The following DGKK variants were observed in gnomAD, a reference collection of about 807,000 sequenced individuals.
DGKK encodes the protein diacylglycerol kinase kappa, also known as 142 kDa diacylglycerol kinase.
In DGKK, 35 loss-of-function variants were observed where a neutral mutation model predicts 92.2. The ratio of observed to expected loss-of-function variants is 0.38; its 90% CI spans 0.29 to 0.50. DGKK has a LOEUF of 0.50. Among genes scored for constraint, DGKK ranks in the 20% least tolerant of loss-of-function variants. The pLI, the probability that DGKK is intolerant of heterozygous loss-of-function variation, is 0.92. For synonymous variants in DGKK, 368 were observed against 360.6 expected (o/e 1.02, Z -0.23); for missense variants, 910 against 992.2 (o/e 0.92, Z 1.11).
At chrX:50,400,438 T>C (rs1557226499) in intron 8 of DGKK, among the ~76,000 whole-genome samples, 1 of 112,316 alleles carries the variant, frequency 8.9e-6, no homozygotes. Flanking sequence ...TACCATTCCC[T>C]TGGCACTTAG....
chrX:50,465,120 C>T (rs1926860483), intron 1 of DGKK, among the ~76,000 whole-genome samples: 1 of 111,818 alleles, frequency 8.9e-6, no homozygotes, highest in Admixed American at 9.5e-5. Flanking sequence ...ATAAAGTTTA[C>T]AAATTTCATG....
chrX:50,375,093 C>T (rs1557223691), intron 24 of DGKK, 36 bp from the exon 25 acceptor site: 4 of 1,091,889 alleles, frequency 3.7e-6, no homozygotes, highest in East Asian at 3.1e-5. Flanking sequence ...GAGAAAAAGA[C>T]AAAGACAGGG....
chrX:50,386,073 C>T (rs1489935201), intron 15 of DGKK, among the ~76,000 whole-genome samples: 5 of 111,469 alleles, frequency 4.5e-5, no homozygotes, highest in Non-Finnish European at 9.4e-5. Context: ...AACCAGGTCA[C>T]TTAGCATCTA....
chrX:50,464,633 T>C (rs1211535196), intron 1 of DGKK, among the ~76,000 whole-genome samples: 1 of 110,567 alleles, frequency 9.0e-6, no homozygotes, highest in Non-Finnish European at 1.9e-5. Context: ...CTTGGCGAGG[T>C]TGAAGATCCT....
At chrX:50,447,410 ATATATATATATATATAT>A (rs1390506388) in intron 1 of DGKK, among the ~76,000 whole-genome samples, 1 of 13,997 alleles carries the variant, frequency 7.1e-5, no homozygotes, top group Non-Finnish European at 1.2e-4. Flanking sequence ...TATATATATA[ATATATATATATATATAT>A]TATATATATA....
Position 50,370,169 on chromosome X carries a change from C to T in DGKK, c.3736+257G>A, listed in dbSNP as rs1924082742. ...TTAGGAGTGAATCAGGCAGAAAAAT[C>T]ACCGCCTGTTTGCATTTTTGTTTTC... On this transcript the variant is annotated intron_variant, in intron 27 of 27. Coordinates refer to ENST00000611977, the MANE Select transcript of DGKK (RefSeq NM_001013742.4). Among the ~76,000 whole-genome samples the T allele has an allele frequency of 1.8e-5, 2 of 111,956 alleles. 1 individual carries two copies. The highest frequency in any genetic ancestry group is 1.9e-4 in the Admixed American group (2 of 10,590).
intron 12 of DGKK, 150 bp downstream of exon 12, chrX:50,390,178 C>T (rs1924649250): frequency 4.2e-6 from 2 of 479,981 alleles, no homozygotes; most frequent in Admixed American, 3.4e-5. Context: ...TAACATAGTT[C>T]TTGGTAAATA....
intron 7 of DGKK, among the ~76,000 whole-genome samples, chrX:50,402,225 T>C (rs1276754657): frequency 1.8e-5 from 2 of 110,480 alleles, no homozygotes; most frequent in African/African-American, 3.3e-5. Flanking sequence ...CTGGGCAACA[T>C]AGCAAGACTC....
At chrX:50,388,380 T>C (rs1924601844) in intron 13 of DGKK, 147 bp downstream of exon 13, 2 of 469,959 alleles carry the variant, frequency 4.3e-6, no homozygotes, top group Admixed American at 4.1e-5. Context: ...TCCTAAACTT[T>C]CCATTCAGGG....
In DGKK at chrX:50,401,144, A is replaced by C. The variant is rs1557226586; in HGVS notation, c.1309-5T>G. On this transcript the variant is annotated splice_polypyrimidine_tract_variant and splice_region_variant and intron_variant, in intron 7 of 27. Coordinates refer to ENST00000611977, the MANE Select transcript of DGKK (RefSeq NM_001013742.4). ...TCTCCTACAGTCATCATGCACCTGAAACGACAAGAGAAGAGCAGAGAAAAA... is the reference window on the plus strand; with the variant it reads ...TCTCCTACAGTCATCATGCACCTGACACGACAAGAGAAGAGCAGAGAAAAA... 1 of 1,188,302 alleles carries C rather than the reference A, an allele frequency of 8.4e-7. No individual in the cohort carries two copies. Among genetic ancestry groups the C allele is most frequent in the East Asian group, 3.0e-5 (1 of 33,210 alleles).
chrX:50,392,139 C>T (rs1924713820), intron 10 of DGKK, among the ~76,000 whole-genome samples: 4 of 112,263 alleles, frequency 3.6e-5, no homozygotes, highest in African/African-American at 1.3e-4. Context: ...TTCTTTCTGT[C>T]GATGTCACAC....
chrX:50,371,977 T>C, intron 25 of DGKK, 143 bp from the exon 26 acceptor site: 1 of 415,458 alleles, frequency 2.4e-6, no homozygotes, highest in Non-Finnish European at 4.1e-6. Context: ...AGCCAGCTGT[T>C]TTCTTTCTCA....
chrX:50,428,428 A>T (rs997131015), intron 1 of DGKK, among the ~76,000 whole-genome samples: 5 of 110,945 alleles, frequency 4.5e-5, no homozygotes, highest in Non-Finnish European at 3.8e-5. Context: ...ACAAGAACAG[A>T]ATGTCAAGGC....
At chrX:50,443,924 A>T (rs1926227724) in intron 1 of DGKK, among the ~76,000 whole-genome samples, 1 of 110,876 alleles carries the variant, frequency 9.0e-6, no homozygotes, top group African/African-American at 3.3e-5. Context: ...TAATTTGTTA[A>T]TTCACAATGA....
intron 4 of DGKK, among the ~76,000 whole-genome samples, chrX:50,406,430 T>C (rs183760663): frequency 7.9e-4 from 88 of 111,512 alleles, no homozygotes; most frequent in African/African-American, 2.7e-3. Context: ...TACTTGGAAA[T>C]AGGGGTTTAA....
chrX:50,467,867 G>A (rs1926947018), intron 1 of DGKK, among the ~76,000 whole-genome samples: 1 of 112,537 alleles, frequency 8.9e-6, no homozygotes. Context: ...ATTTGAGCAC[G>A]TACCTAGATC....
chrX:50,371,130 G>T (rs1557223120), intron 26 of DGKK, among the ~76,000 whole-genome samples: 1 of 112,631 alleles, frequency 8.9e-6, no homozygotes, highest in Non-Finnish European at 1.9e-5. Context: ...GATCATGCAG[G>T]CTCTGTAATT....
rs1331186283 is a variant in DGKK at position 50,378,694 on chromosome X, G to A, written c.2863-3C>T. On this transcript the variant is annotated splice_polypyrimidine_tract_variant and splice_region_variant and intron_variant, in intron 20 of 27. Transcript: ENST00000611977. ...TCGATTGCAGGAGCCTCATATTCCT[G>A]AGGAGGAAGAACTGTGTCACATCTC... is the stretch of plus-strand genomic sequence containing the variant. The A allele has an allele frequency of 2.6e-6, 3 of 1,176,111 alleles. No homozygotes were observed. The African/African-American group carries it at 5.3e-5, about 21-fold the overall frequency.
At position 50,376,863 on chromosome X, in the gene DGKK, G is replaced by A. The variant is rs868927625; in HGVS notation, c.3167C>T (p.Ala1056Val). The A allele has an allele frequency of 8.3e-7, 1 of 1,207,919 alleles. No homozygotes were observed. The highest frequency in any genetic ancestry group is 2.3e-4 in the Middle Eastern group (1 of 4,288). ...WEYKHTEIQA[A>V]PQPQLDFQDS... ...CTGGAAGTCCAGCTGGGGTTGAGGG[G>A]CAGCTTGAATTTCAGTATGCTTGTA... The change falls in exon 23 of 28, where the codon GCC (alanine) becomes GTC (valine). Residue 1056 changes from alanine to valine, a missense_variant. By Grantham distance (64) the Ala-to-Val change is moderately conservative. Coordinates refer to ENST00000611977, the MANE Select transcript of DGKK (RefSeq NM_001013742.4).
Sources: gnomAD v4.1 joint callset for allele counts (sites outside exome capture counted in the v4.1 genomes callset) on GRCh38, gnomAD v4.1.1 for gene constraint, MANE v1.5 for transcripts, NCBI Gene and HGNC (gene_info 2026-07-23, HGNC 2026-07-21) for gene names.